The following DNER variants were observed in gnomAD, a reference collection of about 807,000 sequenced individuals.
The protein encoded by DNER is delta/notch like EGF repeat containing.
Under a neutral mutation model 78.2 loss-of-function variants are expected in DNER, and 33 were observed. The observed-to-expected ratio is 0.42, with a 90% CI of 0.32 to 0.56. DNER has a LOEUF of 0.56. DNER is among the 20% of genes least tolerant of loss of function. The probability of loss-of-function intolerance (pLI) is 0.11; values close to 1 mark genes in which losing one functional copy is unlikely to be tolerated. For missense variants in DNER, 918 were observed against 975.3 expected (o/e 0.94, Z 0.78); for synonymous variants, 417 against 384.8 (o/e 1.08, Z -0.98).
intron 8 of DNER, among the ~76,000 whole-genome samples, chr2:229,435,560 G>A (rs781669642): frequency 1.3e-5 from 2 of 152,136 alleles, no homozygotes; most frequent in African/African-American, 2.4e-5. Context: ...AGGCATCAGA[G>A]ACCTGGTAAA....
At chr2:229,561,987 G>T (rs1033843176) in intron 4 of DNER, among the ~76,000 whole-genome samples, 1 of 152,138 alleles carries the variant, frequency 6.6e-6, no homozygotes, top group Non-Finnish European at 1.5e-5. Context: ...TGACAGCTTG[G>T]ACAGCCAGTT....
intron 7 of DNER, among the ~76,000 whole-genome samples, chr2:229,474,205 G>A (rs1251382341): frequency 6.6e-6 from 1 of 152,148 alleles, no homozygotes; most frequent in Non-Finnish European, 1.5e-5. Context: ...CACACCTGGT[G>A]ACACAGGCTC....
chr2:229,714,247 GCA>G lies in DNER; in HGVS notation c.175_176del (p.Cys59HisfsTer5). ...GCGGGTCCGGCTCAGGGCGCGAGGTGCACACACCCCCATTCCGGCAGGGCTGC... is the reference window on the plus strand; with the variant it reads ...GCGGGTCCGGCTCAGGGCGCGAGGTGCACACCCCCATTCCGGCAGGGCTGC... ...AAQPCRNGGV[C>X]TSRPEPDPQH... is the part of the protein sequence containing the mutation. On this transcript the variant is annotated frameshift_variant, in exon 1 of 13. Coordinates refer to ENST00000341772, the MANE Select transcript of DNER (RefSeq NM_139072.4). LOFTEE classifies it high-confidence loss of function. 1 of 1,419,766 alleles carries G rather than the reference GCA, an allele frequency of 7.0e-7. No homozygotes were observed. Among genetic ancestry groups the G allele is most frequent in the Non-Finnish European group, 9.2e-7 (1 of 1,089,312 alleles). The allele number at this position is 1,419,766 out of a possible 1,614,324, so 87.9% of individuals were successfully genotyped here.
chr2:229,358,060 G>A lies in DNER; in HGVS notation c.*480C>T, dbSNP rs1692127774. ...TAAGGCAAAGGCTAATTTCATTCGG[G>A]TTAGGAATAGTAAATTTAACTAGTT... On this transcript the variant is annotated 3_prime_UTR_variant, in exon 13 of 13. Transcript: ENST00000341772. The A allele has an allele frequency of 6.5e-6, 1 of 152,834 alleles. No homozygotes were observed. The highest frequency in any genetic ancestry group is 1.5e-5 in the Non-Finnish European group (1 of 68,218). The allele number at this position is 152,834 out of a possible 1,614,324, so 9.5% of individuals were successfully genotyped here. A position where few individuals can be genotyped will look rare whatever the true frequency, so the allele number is the denominator to read the frequency against.
intron 10 of DNER, among the ~76,000 whole-genome samples, chr2:229,401,824 C>T (rs1366741008): frequency 1.3e-5 from 2 of 152,036 alleles, no homozygotes; most frequent in Non-Finnish European, 2.9e-5. Flanking sequence ...TAATCTCAAA[C>T]TAAAATTTTG....
At chr2:229,458,031 G>T (rs1490576936) in intron 7 of DNER, among the ~76,000 whole-genome samples, 1 of 147,736 alleles carries the variant, frequency 6.8e-6, no homozygotes, top group Non-Finnish European at 1.5e-5. Context: ...AGCTACTGGG[G>T]CGGCTAAGGC....
At chr2:229,552,057 C>G (rs1222459334) in intron 4 of DNER, among the ~76,000 whole-genome samples, 1 of 152,084 alleles carries the variant, frequency 6.6e-6, no homozygotes, top group Non-Finnish European at 1.5e-5. Context: ...ATTTAAAGTA[C>G]AGTCATACAA....
chr2:229,444,530 T>C (rs1367748440), intron 8 of DNER, among the ~76,000 whole-genome samples: 2 of 152,326 alleles, frequency 1.3e-5, no homozygotes, highest in East Asian at 3.9e-4. Flanking sequence ...TATTTGGTAT[T>C]ATTAAAAAAC....
rs759256191 is a variant in DNER at position 229,585,940 on chromosome 2, T to A, written c.765A>T (p.Gly255=). ...AAGCCTGAAGGGGGGTCACACTTCG[T>A]CCATCTATGAGGGAGCACTGTTGGA... ...TGFQQCSLID[G]RSVTPLQASG... Residue 255 remains glycine (G), a synonymous_variant, in exon 4 of 13, where the codon GGA becomes GGT. Transcript: ENST00000341772. The A allele has an allele frequency of 6.2e-7, 1 of 1,614,090 alleles. No individual in the cohort carries two copies. The highest frequency in any genetic ancestry group is 1.1e-5 in the South Asian group (1 of 91,066).
chr2:229,650,004 G>A (rs1698786354), intron 1 of DNER, among the ~76,000 whole-genome samples: 1 of 151,000 alleles, frequency 6.6e-6, no homozygotes. Context: ...GAACCCAGGA[G>A]GCAGAGCTTG....
chr2:229,565,265 T>C (rs574549597), intron 4 of DNER, among the ~76,000 whole-genome samples: 1 of 152,298 alleles, frequency 6.6e-6, no homozygotes, highest in Non-Finnish European at 1.5e-5. Flanking sequence ...TCTAAGCCCT[T>C]CTCAATTCAA....
At chr2:229,587,356 T>G (rs757387186) in intron 3 of DNER, among the ~76,000 whole-genome samples, 6 of 152,156 alleles carry the variant, frequency 3.9e-5, no homozygotes, top group Non-Finnish European at 8.8e-5. Context: ...GCGTTCCTCC[T>G]GAGCCCAGGA....
intron 1 of DNER, among the ~76,000 whole-genome samples, chr2:229,634,157 A>G (rs1698488066): frequency 6.6e-6 from 1 of 152,234 alleles, no homozygotes; most frequent in Admixed American, 6.5e-5. Flanking sequence ...AATGTAGACC[A>G]TGGTTGTAAC....
intron 12 of DNER, among the ~76,000 whole-genome samples, chr2:229,363,446 A>G (rs1292064149): frequency 6.6e-6 from 1 of 152,224 alleles, no homozygotes; most frequent in Non-Finnish European, 1.5e-5. Flanking sequence ...TTCCAGGAAA[A>G]GAGGGCCAAT....
chr2:229,580,125 T>G (rs748099469), intron 4 of DNER: 4 of 152,148 alleles, frequency 2.6e-5, no homozygotes, highest in Admixed American at 6.5e-5. Flanking sequence ...CTGAAAGCAC[T>G]CTCTCTAGAG....
At chr2:229,517,430 G>A (rs762766396) in intron 5 of DNER, among the ~76,000 whole-genome samples, 6 of 152,222 alleles carry the variant, frequency 3.9e-5, no homozygotes, top group Admixed American at 1.3e-4. Flanking sequence ...ATTTAAAACC[G>A]GATGTACTGA....
At chr2:229,577,593 C>A (rs886521634) in intron 4 of DNER, among the ~76,000 whole-genome samples, 1 of 152,052 alleles carries the variant, frequency 6.6e-6, no homozygotes, top group Non-Finnish European at 1.5e-5. Context: ...AGAGATCGTG[C>A]CATTGCACTC....
chr2:229,709,892 TAGA>T (rs1372337545), intron 1 of DNER, among the ~76,000 whole-genome samples: 3 of 152,132 alleles, frequency 2.0e-5, no homozygotes, highest in East Asian at 1.9e-4. Context: ...GACAGCCCAA[TAGA>T]AGGAGTTTCT....
At chr2:229,650,587 C>T (rs1698798232) in intron 1 of DNER, among the ~76,000 whole-genome samples, 3 of 152,104 alleles carry the variant, frequency 2.0e-5, no homozygotes, top group Admixed American at 2.0e-4. Flanking sequence ...AAATCTCAGC[C>T]CCTCACACCT....
Sources: gnomAD v4.1 joint callset for allele counts (sites outside exome capture counted in the v4.1 genomes callset) on GRCh38, gnomAD v4.1.1 for gene constraint, MANE v1.5 for transcripts, NCBI Gene and HGNC (gene_info 2026-07-23, HGNC 2026-07-21) for gene names.